JARID2: variants seen among roughly 807,000 people sequenced by gnomAD.
The protein encoded by JARID2 is jumonji and AT-rich interaction domain containing 2, also known as protein Jumonji.
A neutral mutation model predicts 125.6 loss-of-function variants in JARID2; 21 were observed. The ratio of observed to expected loss-of-function variants is 0.17; its 90% CI spans 0.12 to 0.24. The LOEUF is 0.24. Ranked by LOEUF, JARID2 falls within the 10% of genes least tolerant of loss-of-function variation. The probability of loss-of-function intolerance (pLI) is 1.00; values close to 1 mark genes in which losing one functional copy is unlikely to be tolerated. For missense variants in JARID2, 1,303 were observed against 1,639.6 expected (o/e 0.79, Z 3.55); for synonymous variants, 736 against 661.6 (o/e 1.11, Z -1.73).
chr6:15,300,722 T>TGTGTGTGAGA lies in JARID2; in HGVS notation c.45+54139_45+54140insTGTGTGAGAG, dbSNP rs1246745065. Among the ~76,000 whole-genome samples, 283 of 111,176 alleles carry TGTGTGTGAGA rather than the reference T, an allele frequency of 2.5e-3. 2 individuals carry two copies. Among genetic ancestry groups the TGTGTGTGAGA allele is most frequent in the Non-Finnish European group, 4.0e-3 (215 of 54,176 alleles). The allele number at this position is 111,176 out of a possible 152,430, so 72.9% of individuals were successfully genotyped here. Reference sequence around the variant, plus strand: ...GTGTGTGTGTGTGTGTGTGTGTGTGTGAGAGAGAGAGAGAGAGAGAGAGAG... The same window carrying TGTGTGTGAGA: ...GTGTGTGTGTGTGTGTGTGTGTGTGTGTGTGTGAGAGAGAGAGAGAGAGAGAGAGAGAGAG... On this transcript the variant is annotated intron_variant, in intron 1 of 17. Transcript: ENST00000341776.
chr6:15,392,520 G>T (rs1765061908), intron 2 of JARID2, among the ~76,000 whole-genome samples: 1 of 152,098 alleles, frequency 6.6e-6, no homozygotes, highest in African/African-American at 2.4e-5. Context: ...AGGGACTGCT[G>T]CAGACATGTT....
intron 4 of JARID2, among the ~76,000 whole-genome samples, chr6:15,459,682 TGTG>T (rs1265203004): frequency 6.6e-6 from 1 of 152,198 alleles, no homozygotes; most frequent in Non-Finnish European, 1.5e-5. Flanking sequence ...ACAGCCAACC[TGTG>T]GTGTTTTTTC....
At chr6:15,331,202 C>T (rs889066316) in intron 1 of JARID2, among the ~76,000 whole-genome samples, 3 of 151,988 alleles carry the variant, frequency 2.0e-5, no homozygotes, top group Non-Finnish European at 4.4e-5. Context: ...GGCATGGTGG[C>T]ACACACCTCT....
rs769188203 is a variant in JARID2, at chr6:15,374,158, A to G, written c.87A>G (p.Val29=). 6.2e-7 allele frequency: 1 copy of G among 1,614,134 alleles called. No individual in the cohort carries two copies. The highest frequency in any genetic ancestry group is 8.5e-7 in the Non-Finnish European group (1 of 1,179,970). ...DGIPWSEERV[V]RKVLYLSLKE... The stretch of plus-strand genomic sequence containing the variant: ...TTCCGTGGTCAGAAGAACGGGTGGT[A>G]CGTAAAGTCCTTTATTTGTCTCTGA... Residue 29 remains valine (V), a synonymous_variant, in exon 2 of 18, where the codon GTA becomes GTG. Coordinates refer to ENST00000341776, the MANE Select transcript of JARID2 (RefSeq NM_004973.4).
chr6:15,367,074 G>A (rs948334157), intron 1 of JARID2, among the ~76,000 whole-genome samples: 10 of 152,068 alleles, frequency 6.6e-5, no homozygotes, highest in South Asian at 2.1e-4. Flanking sequence ...CAGTTTCCAC[G>A]AGGTATTTCC....
At chr6:15,422,820 A>ATGTGAC (rs1766557962) in intron 3 of JARID2, among the ~76,000 whole-genome samples, 1 of 152,106 alleles carries the variant, frequency 6.6e-6, no homozygotes, top group African/African-American at 2.4e-5. Flanking sequence ...AATACTGCTT[A>ATGTGAC]TGTGACTCTG....
chr6:15,454,043 A>G (rs1013479815), intron 4 of JARID2, among the ~76,000 whole-genome samples: 1 of 152,220 alleles, frequency 6.6e-6, no homozygotes, highest in Non-Finnish European at 1.5e-5. Context: ...TCCGTGAGTT[A>G]GCAGCCATAC....
chr6:15,497,028 C>T lies in JARID2; in HGVS notation c.1803C>T (p.Leu601=), dbSNP rs1311122641. Residue 601 remains leucine (L), a synonymous_variant, in exon 7 of 18, where the codon CTC becomes CTT. Coordinates refer to ENST00000341776, the MANE Select transcript of JARID2 (RefSeq NM_004973.4). ...PPPDWRPECK[L]NDEMRFVTQI... is the part of the protein sequence containing the mutation. The stretch of plus-strand genomic sequence containing the variant: ...CGGACTGGCGGCCCGAGTGCAAGCT[C>T]AACGATGAGATGCGGTTTGTCACGC... The T allele has an allele frequency of 3.1e-6, 5 of 1,613,402 alleles. No homozygotes were observed. The highest frequency in any genetic ancestry group is 4.2e-6 in the Non-Finnish European group (5 of 1,179,726).
intron 1 of JARID2, chr6:15,368,594 CAAAAGAGA>C (rs1764056450): frequency 2.6e-6 from 1 of 380,282 alleles, no homozygotes; most frequent in African/African-American, 2.1e-5. Context: ...GTTGAGTAAC[CAAAAGAGA>C]AGGGTTTGAG....
Position 15,520,399 on chromosome 6 carries a change from C to T in JARID2, c.*148C>T. On this transcript the variant is annotated 3_prime_UTR_variant, in exon 18 of 18. Coordinates refer to ENST00000341776, the MANE Select transcript of JARID2 (RefSeq NM_004973.4). ...TTTTAGAGAACTAATTTTGTTTTAG[C>T]ATTAAACTGTTGAACTTTTTTTTGT... The T allele has an allele frequency of 1.6e-6, 1 of 637,108 alleles. No homozygotes were observed. The highest frequency in any genetic ancestry group is 2.7e-5 in the South Asian group (1 of 36,636). The allele number at this position is 637,108 out of a possible 1,614,324, so 39.5% of individuals were successfully genotyped here.
At chr6:15,416,723 G>GGGGAGA (rs1010526253) in intron 3 of JARID2, among the ~76,000 whole-genome samples, 8 of 150,836 alleles carry the variant, frequency 5.3e-5, no homozygotes, top group South Asian at 2.1e-4. Context: ...GAGGGAGAGG[G>GGGGAGA]GGGAGAGGGA....
At chr6:15,278,585 CAAAAAAT>C (rs112083083) in intron 1 of JARID2, among the ~76,000 whole-genome samples, 5 of 151,562 alleles carry the variant, frequency 3.3e-5, no homozygotes, top group Non-Finnish European at 7.4e-5. Flanking sequence ...GACTCCGTCT[CAAAAAAT>C]AAAAAATAAA....
chr6:15,324,195 C>A (rs1762456400), intron 1 of JARID2, among the ~76,000 whole-genome samples: 1 of 148,990 alleles, frequency 6.7e-6, no homozygotes, highest in Non-Finnish European at 1.5e-5. Flanking sequence ...AAAAAAAAAA[C>A]TGGAAAAAAA....
intron 1 of JARID2, among the ~76,000 whole-genome samples, chr6:15,331,039 C>T (rs940839754): frequency 6.6e-6 from 1 of 152,142 alleles, no homozygotes; most frequent in Non-Finnish European, 1.5e-5. Flanking sequence ...ATTAACTACT[C>T]ATTTAATAAA....
intron 3 of JARID2, among the ~76,000 whole-genome samples, chr6:15,413,259 C>T (rs1400613522): frequency 6.6e-6 from 1 of 151,996 alleles, no homozygotes; most frequent in Non-Finnish European, 1.5e-5. Flanking sequence ...GTGACCCGCC[C>T]ACCTCGGCCT....
intron 8 of JARID2, 104 bp from the exon 9 acceptor site, chr6:15,504,396 C>T (rs868434444): frequency 5.4e-4 from 427 of 795,710 alleles, no homozygotes; most frequent in Admixed American, 4.0e-4. Flanking sequence ...GGCCCACAGC[C>T]GCAGGGACGC....
At chr6:15,453,287 A>AG (rs1425623091) in intron 4 of JARID2, among the ~76,000 whole-genome samples, 1 of 152,242 alleles carries the variant, frequency 6.6e-6, no homozygotes, top group African/African-American at 2.4e-5. Context: ...TTAATCTGGA[A>AG]GAGTTCCTCA....
At chr6:15,335,331 C>T (rs1484744865) in intron 1 of JARID2, among the ~76,000 whole-genome samples, 3 of 150,688 alleles carry the variant, frequency 2.0e-5, no homozygotes, top group Non-Finnish European at 4.4e-5. Context: ...AACTCCAGGC[C>T]TCAAGCGATC....
intron 1 of JARID2, among the ~76,000 whole-genome samples, chr6:15,315,832 C>A (rs780135789): frequency 1.3e-5 from 2 of 152,102 alleles, no homozygotes; most frequent in African/African-American, 4.8e-5. Context: ...CCCAGTGTGC[C>A]GTCCATACGT....
Sources: gnomAD v4.1 joint callset for allele counts (sites outside exome capture counted in the v4.1 genomes callset) on GRCh38, gnomAD v4.1.1 for gene constraint, MANE v1.5 for transcripts, NCBI Gene and HGNC (gene_info 2026-07-23, HGNC 2026-07-21) for gene names.